Variants in ZDHHC14 observed in about 807,000 individuals in gnomAD.
The protein encoded by ZDHHC14 is palmitoyltransferase ZDHHC14.
Under a neutral mutation model 47.7 loss-of-function variants are expected in ZDHHC14, and 16 were observed. The ratio of observed to expected loss-of-function variants is 0.34; its 90% CI spans 0.23 to 0.51. The LOEUF (loss-of-function observed/expected upper bound fraction) is 0.51, where lower values mean the gene tolerates loss of function less well. Ranked by LOEUF, ZDHHC14 falls within the 20% of genes least tolerant of loss-of-function variation. ZDHHC14 has a pLI of 0.97. For synonymous variants in ZDHHC14, 293 were observed against 278.9 expected, an observed-to-expected ratio of 1.05 and a Z score of -0.50; for missense variants, 515 against 662.5, an observed-to-expected ratio of 0.78 and a Z score of 2.44.
At chr6:157,642,614 C>A (rs1777307835) in intron 5 of ZDHHC14, among the ~76,000 whole-genome samples, 1 of 152,142 alleles carries the variant, frequency 6.6e-6, no homozygotes, top group Admixed American at 6.5e-5. Context: ...GCAGTGGTAG[C>A]TGCTATGATT....
chr6:157,557,532 G>A (rs1232119881), intron 2 of ZDHHC14, among the ~76,000 whole-genome samples: 1 of 152,188 alleles, frequency 6.6e-6, no homozygotes, highest in African/African-American at 2.4e-5. Flanking sequence ...TTGGTTAGAT[G>A]TGTCCAGCAT....
chr6:157,670,327 T>C (rs184288634), intron 8 of ZDHHC14, among the ~76,000 whole-genome samples: 207 of 152,338 alleles, frequency 1.4e-3, no homozygotes, highest in Middle Eastern at 3.4e-3. Context: ...AAGGTCTTGC[T>C]CTGTCGCCCA....
intron 1 of ZDHHC14, among the ~76,000 whole-genome samples, chr6:157,534,125 G>A (rs990276204): frequency 3.3e-5 from 5 of 152,072 alleles, no homozygotes; most frequent in South Asian, 2.1e-4. Flanking sequence ...TCAAATATAA[G>A]CCAGGGTCAG....
intron 8 of ZDHHC14, among the ~76,000 whole-genome samples, chr6:157,671,357 C>G (rs114072611): frequency 1.9e-3 from 295 of 152,278 alleles, no homozygotes; most frequent in African/African-American, 6.4e-3. Flanking sequence ...GGGGAACAGG[C>G]TCATTCTAAG....
chr6:157,511,340 T>C (rs1263690741), intron 1 of ZDHHC14, among the ~76,000 whole-genome samples: 1 of 151,898 alleles, frequency 6.6e-6, no homozygotes, highest in East Asian at 1.9e-4. Flanking sequence ...CTGTTCAGAG[T>C]GGAGCGTGGA....
chr6:157,655,434 G>A (rs2114995209), intron 8 of ZDHHC14, among the ~76,000 whole-genome samples: 1 of 152,296 alleles, frequency 6.6e-6, no homozygotes, highest in East Asian at 1.9e-4. Flanking sequence ...TTCTTACACT[G>A]CATGCCTGCA....
intron 3 of ZDHHC14, among the ~76,000 whole-genome samples, chr6:157,599,126 C>T (rs1784240712): frequency 6.6e-6 from 1 of 152,040 alleles, no homozygotes; most frequent in African/African-American, 2.4e-5. Flanking sequence ...AAAAGAAAAC[C>T]ATGCCATTCA....
At chr6:157,603,201 G>A (rs544802985) in intron 3 of ZDHHC14, among the ~76,000 whole-genome samples, 1 of 152,254 alleles carries the variant, frequency 6.6e-6, no homozygotes, top group Admixed American at 6.5e-5. Flanking sequence ...TGTTTACAAT[G>A]AATCCAGAAG....
In ZDHHC14 at chr6:157,381,504, T is replaced by C; in HGVS notation, c.-518T>C. The C allele has an allele frequency of 2.5e-6, 1 of 404,618 alleles. No homozygotes were observed. Among genetic ancestry groups the C allele is most frequent in the Non-Finnish European group, 4.9e-6 (1 of 202,856 alleles). 25.1% of individuals were successfully genotyped at this position (404,618 alleles called of 1,614,324 possible). A position where few individuals can be genotyped will look rare whatever the true frequency, so the allele number is the denominator to read the frequency against. On this transcript the variant is annotated 5_prime_UTR_variant, in exon 1 of 9. Transcript: ENST00000359775. ...CCGCCCAGTCGCCAGCGCTCTCTCC[T>C]GGGAGGATCCGCTGCCGGAGGAAGG...
chr6:157,631,405 T>G (rs1157556213), intron 4 of ZDHHC14: 4 of 152,194 alleles, frequency 2.6e-5, no homozygotes, highest in African/African-American at 4.8e-5. Context: ...AAACTTTCCC[T>G]TTTCCCTTGT....
intron 2 of ZDHHC14, among the ~76,000 whole-genome samples, chr6:157,568,738 C>T (rs1442788215): frequency 6.6e-6 from 1 of 152,086 alleles, no homozygotes; most frequent in Non-Finnish European, 1.5e-5. Flanking sequence ...AAATTTATAT[C>T]TTCACCAAAA....
chr6:157,547,913 A>T, intron 2 of ZDHHC14, among the ~76,000 whole-genome samples: 2 of 149,368 alleles, frequency 1.3e-5, no homozygotes, highest in African/African-American at 2.5e-5. Flanking sequence ...TATTAATTTC[A>T]TTTTCTGTTG....
intron 2 of ZDHHC14, among the ~76,000 whole-genome samples, chr6:157,559,041 C>T (rs188912733): frequency 1.2e-4 from 18 of 152,268 alleles, no homozygotes; most frequent in Admixed American, 1.0e-3. Flanking sequence ...TTTCAAGCTC[C>T]CCATGAAGCT....
chr6:157,656,718 A>AT (rs1562533062), intron 8 of ZDHHC14, among the ~76,000 whole-genome samples: 1 of 90,384 alleles, frequency 1.1e-5, no homozygotes, highest in Non-Finnish European at 2.2e-5. Flanking sequence ...AAAAAAAAAA[A>AT]CAAAAAAAAA....
chr6:157,466,054 A>G (rs1374193225), intron 1 of ZDHHC14, among the ~76,000 whole-genome samples: 6 of 151,868 alleles, frequency 4.0e-5, no homozygotes, highest in Non-Finnish European at 5.9e-5. Flanking sequence ...AGAAAAAAAA[A>G]AGAGAGAGAG....
intron 3 of ZDHHC14, among the ~76,000 whole-genome samples, chr6:157,619,481 C>T (rs937985155): frequency 6.6e-6 from 1 of 152,134 alleles, no homozygotes; most frequent in Non-Finnish European, 1.5e-5. Flanking sequence ...CTGAAGGGAC[C>T]TCTGTTGTCT....
chr6:157,549,792 G>C (rs1203594168), intron 2 of ZDHHC14, among the ~76,000 whole-genome samples: 1 of 152,230 alleles, frequency 6.6e-6, no homozygotes, highest in African/African-American at 2.4e-5. Flanking sequence ...GGATTTGGAA[G>C]GATGTGTGGT....
In ZDHHC14 at chr6:157,677,075, TTGA is replaced by T. The variant is rs1238789405; in HGVS notation, c.*3956_*3958del. The T allele has an allele frequency of 4.6e-5, 7 of 152,292 alleles. No homozygotes were observed. Among genetic ancestry groups the T allele is most frequent in the Admixed American group, 4.6e-4 (7 of 15,298 alleles). The allele number at this position is 152,292 out of a possible 1,614,324, so 9.4% of individuals were successfully genotyped here. On this transcript the variant is annotated 3_prime_UTR_variant, in exon 9 of 9. Transcript: ENST00000359775. ...GTTTTGAAGCTGAGCCGAAATCAAA[TTGA>T]TGTTTACATTTTCTATCAAGTACAC...
chr6:157,411,974 T>C (rs926591267), intron 1 of ZDHHC14, among the ~76,000 whole-genome samples: 1 of 151,888 alleles, frequency 6.6e-6, no homozygotes, highest in African/African-American at 2.4e-5. Context: ...AGTCTCGCTC[T>C]GTCACCCAGG....
Sources: allele counts gnomAD v4.1 joint callset (sites outside exome capture counted in the v4.1 genomes callset), GRCh38; gene constraint gnomAD v4.1.1; transcripts MANE v1.5; gene names NCBI Gene and HGNC (gene_info 2026-07-23, HGNC 2026-07-21).